Variants in RYR3 observed in about 807,000 individuals in gnomAD.
The protein encoded by RYR3 is brain ryanodine receptor-calcium release channel.
Under a neutral mutation model 584.3 loss-of-function variants are expected in RYR3, and 207 were observed. That is an observed-to-expected ratio of 0.35 (90% CI 0.32 to 0.40). RYR3 has a LOEUF of 0.40. RYR3 is among the 10% of genes least tolerant of loss of function. The probability of loss-of-function intolerance (pLI) is 1.00; values close to 1 mark genes in which losing one functional copy is unlikely to be tolerated. For synonymous variants in RYR3, 2,416 were observed against 2,248.5 expected (o/e 1.07, Z -2.11); for missense variants, 5,616 against 6,089.2 (o/e 0.92, Z 2.59).
At chr15:33,511,979 C>T (rs2053066819) in intron 3 of RYR3, among the ~76,000 whole-genome samples, 3 of 152,092 alleles carry the variant, frequency 2.0e-5, no homozygotes, top group South Asian at 4.2e-4. Context: ...GGGGTTTCAC[C>T]GTGTTAGCCA....
intron 4 of RYR3, among the ~76,000 whole-genome samples, chr15:33,532,729 A>G (rs1287591847): frequency 6.6e-6 from 1 of 152,168 alleles, no homozygotes; most frequent in Non-Finnish European, 1.5e-5. Flanking sequence ...GGCATCTTTA[A>G]TATTTCTAAC....
chr15:33,406,277 G>A (rs1213753872), intron 1 of RYR3, among the ~76,000 whole-genome samples: 1 of 152,166 alleles, frequency 6.6e-6, no homozygotes, highest in Non-Finnish European at 1.5e-5. Flanking sequence ...AGGTGATTAG[G>A]GGAGAAGAAG....
At chr15:33,480,717 G>T (rs558698322) in intron 2 of RYR3, among the ~76,000 whole-genome samples, 1 of 152,294 alleles carries the variant, frequency 6.6e-6, no homozygotes, top group East Asian at 1.9e-4. Flanking sequence ...AACATTCTGT[G>T]TATCACTCCA....
At chr15:33,833,788 G>A (rs1480920772) in intron 86 of RYR3, among the ~76,000 whole-genome samples, 2 of 152,168 alleles carry the variant, frequency 1.3e-5, no homozygotes, top group Admixed American at 1.3e-4. Flanking sequence ...AAACTTACGT[G>A]ATTTGGGAAT....
chr15:33,624,807 G>A (rs1181964290), intron 20 of RYR3, among the ~76,000 whole-genome samples: 1 of 152,172 alleles, frequency 6.6e-6, no homozygotes, highest in Non-Finnish European at 1.5e-5. Flanking sequence ...AGGTGTTATA[G>A]AAAATAAATG....
chr15:33,432,345 T>C (rs778750825), intron 1 of RYR3, among the ~76,000 whole-genome samples: 5 of 152,118 alleles, frequency 3.3e-5, no homozygotes, highest in Non-Finnish European at 7.3e-5. Flanking sequence ...TACATAAATG[T>C]AGTTTTCAAA....
chr15:33,362,404 T>C (rs1974892993), intron 1 of RYR3, among the ~76,000 whole-genome samples: 1 of 152,008 alleles, frequency 6.6e-6, no homozygotes, highest in South Asian at 2.1e-4. Context: ...GTCGTCATCA[T>C]CATCATCATC....
intron 5 of RYR3, among the ~76,000 whole-genome samples, chr15:33,538,542 C>T (rs888269998): frequency 4.6e-5 from 7 of 152,162 alleles, no homozygotes; most frequent in Non-Finnish European, 1.0e-4. Flanking sequence ...TTGGCTTTTC[C>T]ATGGATTAAA....
intron 19 of RYR3, among the ~76,000 whole-genome samples, chr15:33,613,578 T>C (rs992692320): frequency 3.9e-5 from 6 of 152,248 alleles, no homozygotes; most frequent in Non-Finnish European, 7.3e-5. Flanking sequence ...GGTTGTATTA[T>C]GTACTCAGAT....
intron 64 of RYR3, among the ~76,000 whole-genome samples, chr15:33,774,851 C>G (rs1304183485): frequency 6.6e-6 from 1 of 152,112 alleles, no homozygotes; most frequent in Non-Finnish European, 1.5e-5. Context: ...AAAAATTTTT[C>G]TATTAATGCC....
At chr15:33,334,979 T>A (rs1970790229) in intron 1 of RYR3, among the ~76,000 whole-genome samples, 1 of 152,136 alleles carries the variant, frequency 6.6e-6, no homozygotes, top group Non-Finnish European at 1.5e-5. Flanking sequence ...CACAATGAGA[T>A]ACCATCTCAC....
chr15:33,729,335 A>G (rs1261925804), intron 47 of RYR3, among the ~76,000 whole-genome samples: 4 of 152,082 alleles, frequency 2.6e-5, no homozygotes, highest in Non-Finnish European at 5.9e-5. Flanking sequence ...TCTACCCACT[A>G]GATATCAGTA....
intron 14 of RYR3, among the ~76,000 whole-genome samples, chr15:33,584,101 G>T (rs1159297939): frequency 1.3e-5 from 2 of 152,050 alleles, no homozygotes; most frequent in Non-Finnish European, 2.9e-5. Flanking sequence ...AGCTGGGCAT[G>T]GTGGTGCATG....
chr15:33,851,533 C>T (rs969647550), intron 94 of RYR3: 2 of 152,160 alleles, frequency 1.3e-5, no homozygotes, highest in African/African-American at 4.8e-5. Context: ...CTCTATGCCA[C>T]ACTTTAAGGA....
chr15:33,721,812 T>C (rs952809753), intron 43 of RYR3, among the ~76,000 whole-genome samples: 1 of 152,174 alleles, frequency 6.6e-6, no homozygotes, highest in Non-Finnish European at 1.5e-5. Flanking sequence ...AACCCACTTT[T>C]GAATATATGT....
intron 27 of RYR3, among the ~76,000 whole-genome samples, chr15:33,637,480 T>C (rs1274663119): frequency 6.6e-6 from 1 of 152,242 alleles, no homozygotes; most frequent in Non-Finnish European, 1.5e-5. Flanking sequence ...ACCTGGACGC[T>C]CACCTGCCTC....
intron 45 of RYR3, 81 bp downstream of exon 45, chr15:33,724,257 C>T: frequency 1.3e-6 from 1 of 766,002 alleles, no homozygotes; most frequent in Non-Finnish European, 2.1e-6. Flanking sequence ...TCATTTCTTC[C>T]TCTGTCTCTG....
chr15:33,463,663 A>C (rs965649419), intron 1 of RYR3, among the ~76,000 whole-genome samples: 1 of 152,226 alleles, frequency 6.6e-6, no homozygotes, highest in African/African-American at 2.4e-5. Context: ...GCATGCCGCT[A>C]CATCTCCCTA....
chr15:33,635,245 G>C (rs2061444092), intron 25 of RYR3, among the ~76,000 whole-genome samples: 1 of 152,088 alleles, frequency 6.6e-6, no homozygotes, highest in African/African-American at 2.4e-5. Flanking sequence ...GTCCAATCTG[G>C]GTTTATACCT....
Sources: gnomAD v4.1 joint callset for allele counts (sites outside exome capture counted in the v4.1 genomes callset) on GRCh38, gnomAD v4.1.1 for gene constraint, MANE v1.5 for transcripts, NCBI Gene and HGNC (gene_info 2026-07-23, HGNC 2026-07-21) for gene names.